Variants in SCUBE1 observed in about 807,000 individuals in gnomAD.
SCUBE1 encodes signal peptide, CUB and EGF-like domain-containing protein 1.
A neutral mutation model predicts 124.4 loss-of-function variants in SCUBE1; 59 were observed. The ratio of observed to expected loss-of-function variants is 0.47; its 90% confidence interval spans 0.38 to 0.59. The LOEUF (loss-of-function observed/expected upper bound fraction) is 0.59, where lower values mean the gene tolerates loss of function less well. Ranked by LOEUF, SCUBE1 falls within the 20% of genes least tolerant of loss-of-function variation. The pLI is 0.00. For synonymous variants in SCUBE1, 545 were observed against 550.9 expected, an observed-to-expected ratio of 0.99 and a Z score of 0.15; for missense variants, 1,150 against 1,371.2, an observed-to-expected ratio of 0.84 and a Z score of 2.55.
At chr22:43,289,861 T>G (rs1925289691) in intron 4 of SCUBE1, among the ~76,000 whole-genome samples, 1 of 151,726 alleles carries the variant, frequency 6.6e-6, no homozygotes, top group African/African-American at 2.4e-5. Flanking sequence ...TGCGTGCCCT[T>G]TGGTTCCCCA....
At position 43,270,680 on chromosome 22, in the gene SCUBE1, G is replaced by A. The variant is rs1386775976; in HGVS notation, c.485-7835C>T. 7 of 152,390 alleles carry A rather than the reference G, an allele frequency of 4.6e-5. No individual in the cohort carries two copies. In the South Asian group the frequency reaches 8.3e-4, roughly 18 times the overall value. 9.4% of individuals were successfully genotyped at this position (152,390 alleles called of 1,614,324 possible). A position where few individuals can be genotyped will look rare whatever the true frequency, so the allele number is the denominator to read the frequency against. On this transcript the variant is annotated intron_variant, in intron 4 of 21. Coordinates refer to ENST00000360835, the MANE Select transcript of SCUBE1 (RefSeq NM_173050.5). ...CAGAAGCTCTTCAGAGAAGTGGAGC[G>A]ATTTGCCTGTGGTCACTGAGTAGGA...
intron 6 of SCUBE1, among the ~76,000 whole-genome samples, chr22:43,250,879 G>T (rs1436337851): frequency 6.6e-6 from 1 of 152,196 alleles, no homozygotes; most frequent in Non-Finnish European, 1.5e-5. Flanking sequence ...ATGCTACTGG[G>T]CCTGCAGAAC....
intron 17 of SCUBE1, among the ~76,000 whole-genome samples, chr22:43,212,072 G>T (rs1921584533): frequency 6.6e-6 from 1 of 152,058 alleles, no homozygotes; most frequent in African/African-American, 2.4e-5. Flanking sequence ...TTGAGGTGAT[G>T]CCCTGATCCC....
intron 7 of SCUBE1, among the ~76,000 whole-genome samples, chr22:43,235,660 A>G (rs78653641): frequency 0.068 from 10,403 of 152,082 alleles, 399 homozygotes; most frequent in African/African-American, 0.099. Context: ...GGAAGGGAAG[A>G]TACACGTCTG....
intron 5 of SCUBE1, among the ~76,000 whole-genome samples, 163 bp downstream of exon 5, chr22:43,262,557 C>G (rs1319424965): frequency 6.6e-6 from 1 of 152,214 alleles, no homozygotes; most frequent in Non-Finnish European, 1.5e-5. Flanking sequence ...CAACCCTTGT[C>G]CCTTATGCCC....
At chr22:43,264,610 G>C (rs143313972) in intron 4 of SCUBE1, among the ~76,000 whole-genome samples, 1 of 152,226 alleles carries the variant, frequency 6.6e-6, no homozygotes, top group East Asian at 1.9e-4. Flanking sequence ...CTCCCTGACC[G>C]TTACTGACAG....
At chr22:43,205,741 CCCACTCA>C (rs1921217409) in intron 21 of SCUBE1, among the ~76,000 whole-genome samples, 1 of 98,022 alleles carries the variant, frequency 1.0e-5, no homozygotes, top group Non-Finnish European at 2.0e-5. Context: ...ACACCACACG[CCCACTCA>C]CCACTCACCC....
chr22:43,277,529 T>C (rs1366072127), intron 4 of SCUBE1, among the ~76,000 whole-genome samples: 1 of 152,182 alleles, frequency 6.6e-6, no homozygotes, highest in South Asian at 2.1e-4. Flanking sequence ...TGGCCCCCCA[T>C]CCATTGGTTC....
intron 6 of SCUBE1, among the ~76,000 whole-genome samples, chr22:43,250,233 G>A (rs969042695): frequency 1.1e-4 from 16 of 152,328 alleles, no homozygotes; most frequent in African/African-American, 3.6e-4. Context: ...GACGCCTGGG[G>A]GCTCCTGCAG....
chr22:43,338,465 T>C (rs1601903394), intron 2 of SCUBE1, among the ~76,000 whole-genome samples: 1 of 152,352 alleles, frequency 6.6e-6, no homozygotes. Flanking sequence ...CACCCCCATA[T>C]AGCCAGTCAA....
chr22:43,321,429 G>C (rs1219334116), intron 2 of SCUBE1, among the ~76,000 whole-genome samples: 1 of 152,216 alleles, frequency 6.6e-6, no homozygotes, highest in Non-Finnish European at 1.5e-5. Context: ...CGGTCTGCAA[G>C]GTAGAAGCTG....
At chr22:43,330,899 T>C (rs76263134) in intron 2 of SCUBE1, among the ~76,000 whole-genome samples, 1 of 152,208 alleles carries the variant, frequency 6.6e-6, no homozygotes, top group Non-Finnish European at 1.5e-5. Flanking sequence ...CACGTTAGCA[T>C]GCATAATTGC....
intron 14 of SCUBE1, among the ~76,000 whole-genome samples, chr22:43,219,204 A>G (rs1403899896): frequency 4.6e-5 from 7 of 152,094 alleles, no homozygotes; most frequent in Admixed American, 3.9e-4. Context: ...CTGGTGTGGT[A>G]GTCAGTTCTT....
At chr22:43,314,459 C>T (rs996935673) in intron 3 of SCUBE1, among the ~76,000 whole-genome samples, 8 of 152,190 alleles carry the variant, frequency 5.3e-5, no homozygotes, top group Middle Eastern at 6.8e-3. Context: ...CCCTGTTCTG[C>T]CTCTCCTGTG....
chr22:43,250,419 C>A (rs1461370314), intron 6 of SCUBE1, among the ~76,000 whole-genome samples: 2 of 152,326 alleles, frequency 1.3e-5, no homozygotes, highest in East Asian at 3.9e-4. Context: ...CCTGCTGGAA[C>A]CCAAGGTCCC....
At chr22:43,277,412 A>G (rs536501305) in intron 4 of SCUBE1, among the ~76,000 whole-genome samples, 7 of 152,280 alleles carry the variant, frequency 4.6e-5, no homozygotes, top group South Asian at 4.1e-4. Flanking sequence ...CAGCTGCCGC[A>G]CTAACTCAGG....
intron 4 of SCUBE1, among the ~76,000 whole-genome samples, chr22:43,288,251 G>T (rs5759258): frequency 0.054 from 8,200 of 152,174 alleles, 522 homozygotes; most frequent in East Asian, 0.28. Flanking sequence ...TGACCACCTG[G>T]GGCATCTGGG....
intron 4 of SCUBE1, among the ~76,000 whole-genome samples, chr22:43,288,800 A>T (rs111250605): frequency 6.6e-6 from 1 of 152,180 alleles, no homozygotes; most frequent in African/African-American, 2.4e-5. Flanking sequence ...CTCGCCGGGC[A>T]GTGGCAAAGG....
At chr22:43,274,476 A>T (rs1163134664) in intron 4 of SCUBE1, among the ~76,000 whole-genome samples, 2 of 152,222 alleles carry the variant, frequency 1.3e-5, no homozygotes, top group African/African-American at 4.8e-5. Context: ...TGCCACCCTT[A>T]GCTCCTACTG....
Sources: allele counts gnomAD v4.1 joint callset (sites outside exome capture counted in the v4.1 genomes callset), GRCh38; gene constraint gnomAD v4.1.1; transcripts MANE v1.5; gene names NCBI Gene and HGNC (gene_info 2026-07-23, HGNC 2026-07-21).